Variants in NKAIN3 observed in about 807,000 individuals in gnomAD.
NKAIN3 encodes sodium/potassium-transporting ATPase subunit beta-1-interacting protein 3.
A neutral mutation model predicts 30.2 loss-of-function variants in NKAIN3; 25 were observed. The ratio of observed to expected loss-of-function variants is 0.83; its 90% CI spans 0.60 to 1.16. The LOEUF (loss-of-function observed/expected upper bound fraction) is 1.16. Among genes scored for constraint, NKAIN3 ranks in the 50% most tolerant of loss-of-function variants. The pLI, the probability that NKAIN3 is intolerant of heterozygous loss-of-function variation, is 0.00. For missense variants in NKAIN3, 225 were observed against 254.1 expected, an observed-to-expected ratio of 0.89 and a Z score of 0.78; for synonymous variants, 91 against 89.6, an observed-to-expected ratio of 1.02 and a Z score of -0.09.
At chr8:62,544,862 A>C (rs1212169378) in intron 1 of NKAIN3, among the ~76,000 whole-genome samples, 1 of 152,236 alleles carries the variant, frequency 6.6e-6, no homozygotes, top group African/African-American at 2.4e-5. Context: ...ATAGTCATTT[A>C]ACACATATTT....
chr8:62,866,232 A>G (rs191701190), intron 4 of NKAIN3, among the ~76,000 whole-genome samples: 7 of 152,312 alleles, frequency 4.6e-5, no homozygotes, highest in Admixed American at 3.9e-4. Flanking sequence ...ATTGTGTCGA[A>G]TGAAAAAATA....
chr8:62,810,342 T>A (rs930249434), intron 4 of NKAIN3, among the ~76,000 whole-genome samples: 1 of 152,106 alleles, frequency 6.6e-6, no homozygotes, highest in African/African-American at 2.4e-5. Context: ...GGGGATGTAT[T>A]TGGAGGAGTA....
chr8:62,737,348 G>C (rs1815708062), intron 3 of NKAIN3, among the ~76,000 whole-genome samples: 1 of 152,172 alleles, frequency 6.6e-6, no homozygotes, highest in African/African-American at 2.4e-5. Flanking sequence ...CTAAAGCTTT[G>C]ACTAACTTTC....
At chr8:62,670,439 C>A (rs573422151) in intron 3 of NKAIN3, among the ~76,000 whole-genome samples, 2 of 152,100 alleles carry the variant, frequency 1.3e-5, no homozygotes, top group Non-Finnish European at 2.9e-5. Context: ...CTTTACACTT[C>A]CGACACAACG....
intron 4 of NKAIN3, among the ~76,000 whole-genome samples, chr8:62,835,061 A>G (rs1819317212): frequency 6.6e-6 from 1 of 152,160 alleles, no homozygotes; most frequent in Admixed American, 6.6e-5. Flanking sequence ...GCTTACAAAA[A>G]TAAGCAATGG....
chr8:62,442,022 T>C (rs2129598265), intron 1 of NKAIN3, among the ~76,000 whole-genome samples: 1 of 152,170 alleles, frequency 6.6e-6, no homozygotes, highest in Admixed American at 6.5e-5. Flanking sequence ...TGACTTGTAT[T>C]GATAGATGTT....
At chr8:62,957,679 G>A (rs550212961) in intron 6 of NKAIN3, among the ~76,000 whole-genome samples, 1 of 152,176 alleles carries the variant, frequency 6.6e-6, no homozygotes, top group East Asian at 1.9e-4. Flanking sequence ...GCAAAACTAT[G>A]GAGACAGTAC....
intron 1 of NKAIN3, among the ~76,000 whole-genome samples, chr8:62,475,735 ATGATGGGCTCCCAGGTG>A (rs1806498081): frequency 6.6e-6 from 1 of 152,206 alleles, no homozygotes; most frequent in South Asian, 2.1e-4. Context: ...GCACATGTTT[ATGATGGGCTCCCAGGTG>A]TGATGCAGCC....
intron 1 of NKAIN3, among the ~76,000 whole-genome samples, chr8:62,453,617 T>C (rs923118192): frequency 3.3e-5 from 5 of 151,882 alleles, no homozygotes; most frequent in Middle Eastern, 3.2e-3. Flanking sequence ...ATTAATAAGA[T>C]AGGTAGACCA....
chr8:62,720,732 A>G (rs1044501126), intron 3 of NKAIN3, among the ~76,000 whole-genome samples: 2 of 152,118 alleles, frequency 1.3e-5, no homozygotes, highest in Non-Finnish European at 2.9e-5. Context: ...AATTGTTTCC[A>G]TTTGTTGGAG....
intron 3 of NKAIN3, among the ~76,000 whole-genome samples, chr8:62,694,097 A>C (rs770900393): frequency 6.6e-6 from 1 of 152,150 alleles, no homozygotes; most frequent in Non-Finnish European, 1.5e-5. Flanking sequence ...AACATTCCAA[A>C]TCTTCTAGCT....
At chr8:62,687,461 A>T (rs1179190423) in intron 3 of NKAIN3, among the ~76,000 whole-genome samples, 2 of 152,094 alleles carry the variant, frequency 1.3e-5, no homozygotes, top group Non-Finnish European at 2.9e-5. Context: ...GAGTAATCTG[A>T]TGCTATCTTT....
intron 3 of NKAIN3, among the ~76,000 whole-genome samples, chr8:62,739,640 T>C (rs906866941): frequency 6.6e-6 from 1 of 152,138 alleles, no homozygotes; most frequent in Non-Finnish European, 1.5e-5. Context: ...CCTCTACCTG[T>C]TAAATGGATG....
At chr8:62,378,980 T>G (rs1019565167) in intron 1 of NKAIN3, among the ~76,000 whole-genome samples, 1 of 152,086 alleles carries the variant, frequency 6.6e-6, no homozygotes, top group Non-Finnish European at 1.5e-5. Flanking sequence ...TGCCAGCCTG[T>G]GAAAGCAGCC....
chr8:62,825,677 G>A (rs1818997881), intron 4 of NKAIN3, among the ~76,000 whole-genome samples: 1 of 152,222 alleles, frequency 6.6e-6, no homozygotes, highest in Non-Finnish European at 1.5e-5. Flanking sequence ...AGTCTCTGGA[G>A]ATGTGCACTG....
chr8:62,347,786 T>C (rs1393034136), intron 1 of NKAIN3, among the ~76,000 whole-genome samples: 1 of 152,106 alleles, frequency 6.6e-6, no homozygotes, highest in Non-Finnish European at 1.5e-5. Context: ...CTGGAGTAGA[T>C]AAGTATGAGG....
At chr8:62,888,637 C>T (rs1821215804) in intron 4 of NKAIN3, among the ~76,000 whole-genome samples, 1 of 152,196 alleles carries the variant, frequency 6.6e-6, no homozygotes. Flanking sequence ...GGAGCATGGA[C>T]TGACGACTTC....
At chr8:62,991,460 C>T (rs1050717922) in intron 5 of NKAIN3, among the ~76,000 whole-genome samples, 2 of 152,210 alleles carry the variant, frequency 1.3e-5, no homozygotes, top group African/African-American at 4.8e-5. Flanking sequence ...CAGCTTGTGC[C>T]ATCTTAATCC....
At chr8:62,567,087 A>G (rs1042111718) in intron 1 of NKAIN3, among the ~76,000 whole-genome samples, 8 of 152,084 alleles carry the variant, frequency 5.3e-5, no homozygotes, top group Admixed American at 3.9e-4. Context: ...TTATACCTAT[A>G]TTACAAATTT....
Sources: gnomAD v4.1 joint callset for allele counts (sites outside exome capture counted in the v4.1 genomes callset) on GRCh38, gnomAD v4.1.1 for gene constraint, MANE v1.5 for transcripts, NCBI Gene and HGNC (gene_info 2026-07-23, HGNC 2026-07-21) for gene names.